RFX7: variants seen among roughly 807,000 people sequenced by gnomAD.
RFX7 encodes DNA-binding protein RFX7.
Under a neutral mutation model 111.8 loss-of-function variants are expected in RFX7, and 26 were observed. The observed-to-expected ratio is 0.23, with a 90% CI of 0.17 to 0.32. The LOEUF is 0.32. Among genes scored for constraint, RFX7 ranks in the 10% least tolerant of loss-of-function variants. The probability of loss-of-function intolerance (pLI) is 1.00; values close to 1 mark genes in which losing one functional copy is unlikely to be tolerated. For missense variants in RFX7, 1,573 were observed against 1,772.9 expected (o/e 0.89, Z 2.02); for synonymous variants, 624 against 624.4 (o/e 1.00, Z 0.01).
intron 3 of RFX7, among the ~76,000 whole-genome samples, chr15:56,162,315 C>T (rs975091013): frequency 1.3e-5 from 2 of 151,986 alleles, no homozygotes; most frequent in Non-Finnish European, 2.9e-5. Flanking sequence ...CTTCTTTTCT[C>T]CCCTAGAGTT....
chr15:56,143,941 C>G (rs539296878), intron 4 of RFX7, among the ~76,000 whole-genome samples: 5 of 152,106 alleles, frequency 3.3e-5, no homozygotes, highest in Admixed American at 6.6e-5. Flanking sequence ...TATAGTAATA[C>G]CCCAAGCACT....
At chr15:56,119,837 T>C (rs1270851011) in intron 5 of RFX7, among the ~76,000 whole-genome samples, 1 of 151,902 alleles carries the variant, frequency 6.6e-6, no homozygotes, top group Non-Finnish European at 1.5e-5. Context: ...TGAATTTGTT[T>C]CTGGGTTCTC....
intron 3 of RFX7, among the ~76,000 whole-genome samples, chr15:56,164,816 G>A (rs1297684236): frequency 6.6e-6 from 1 of 152,194 alleles, no homozygotes; most frequent in Non-Finnish European, 1.5e-5. Flanking sequence ...GTTCACTAAA[G>A]TAGGACAGTT....
chr15:56,214,857 A>G (rs558535569), intron 2 of RFX7, among the ~76,000 whole-genome samples: 137 of 152,312 alleles, frequency 9.0e-4, no homozygotes, highest in African/African-American at 3.2e-3. Context: ...CTTTTGCTAC[A>G]TTATCTTCGT....
intron 2 of RFX7, among the ~76,000 whole-genome samples, chr15:56,217,571 ATATAGACTT>A (rs373213889): frequency 5.3e-5 from 8 of 152,252 alleles, no homozygotes; most frequent in South Asian, 2.1e-4. Context: ...TATAGACTTT[ATATAGACTT>A]TATAGACTTT....
intron 2 of RFX7, among the ~76,000 whole-genome samples, chr15:56,220,752 G>A (rs76266296): frequency 1.6e-4 from 24 of 151,988 alleles, no homozygotes; most frequent in African/African-American, 4.3e-4. Context: ...TTCCTTTCCC[G>A]GTTCCTATGA....
chr15:56,155,168 A>G (rs1189746295), intron 3 of RFX7, among the ~76,000 whole-genome samples: 1 of 152,214 alleles, frequency 6.6e-6, no homozygotes, highest in African/African-American at 2.4e-5. Context: ...ACGCTTTTAC[A>G]GTGTTGGTGG....
intron 2 of RFX7, among the ~76,000 whole-genome samples, chr15:56,179,802 ACACACACAC>A (rs139607418): frequency 0.021 from 3,071 of 146,802 alleles, 104 homozygotes; most frequent in African/African-American, 0.072. Context: ...ACACACACAC[ACACACACAC>A]ACCAGTAACA....
intron 5 of RFX7, among the ~76,000 whole-genome samples, chr15:56,105,509 C>T (rs989889446): frequency 3.3e-5 from 5 of 152,116 alleles, no homozygotes; most frequent in African/African-American, 4.8e-5. Context: ...TGCCCCCCTC[C>T]GGATCCTAGG....
At chr15:56,173,115 C>T (rs1277776771) in intron 3 of RFX7, among the ~76,000 whole-genome samples, 1 of 151,962 alleles carries the variant, frequency 6.6e-6, no homozygotes. Flanking sequence ...GGTTAGTGTT[C>T]GAGGTGGCAA....
intron 2 of RFX7, among the ~76,000 whole-genome samples, chr15:56,216,384 C>G (rs1201299154): frequency 2.6e-5 from 4 of 152,080 alleles, no homozygotes; most frequent in Non-Finnish European, 5.9e-5. Context: ...TAGAATGCAT[C>G]CATTGTATTC....
chr15:56,162,979 A>C (rs1221555395), intron 3 of RFX7, among the ~76,000 whole-genome samples: 2 of 152,136 alleles, frequency 1.3e-5, no homozygotes, highest in African/African-American at 2.4e-5. Context: ...ATCACAAAAT[A>C]AATGTGATCT....
At chr15:56,132,987 T>C (rs1416053811) in intron 5 of RFX7, among the ~76,000 whole-genome samples, 1 of 152,054 alleles carries the variant, frequency 6.6e-6, no homozygotes, top group African/African-American at 2.4e-5. Flanking sequence ...AATGTATACA[T>C]TAAAGAAGGC....
intron 2 of RFX7, among the ~76,000 whole-genome samples, chr15:56,214,931 AG>A: frequency 6.6e-6 from 1 of 152,132 alleles, no homozygotes; most frequent in East Asian, 1.9e-4. Context: ...CTAATTATTA[AG>A]TTTTACTCAT....
At chr15:56,191,403 T>C (rs2043099310) in intron 2 of RFX7, among the ~76,000 whole-genome samples, 1 of 152,174 alleles carries the variant, frequency 6.6e-6, no homozygotes, top group Non-Finnish European at 1.5e-5. Context: ...CTTTTTACCA[T>C]TACTCCAACT....
Position 56,088,083 on chromosome 15 carries a change from T to C in RFX7, c.*5262A>G, listed in dbSNP as rs1190267067. The C allele has an allele frequency of 4.7e-6, 1 of 211,906 alleles. No individual in the cohort carries two copies. Among genetic ancestry groups the C allele is most frequent in the Non-Finnish European group, 9.9e-6 (1 of 100,828 alleles). 13.1% of individuals were successfully genotyped at this position (211,906 alleles called of 1,614,324 possible). A position where few individuals can be genotyped will look rare whatever the true frequency, so the allele number is the denominator to read the frequency against. On this transcript the variant is annotated 3_prime_UTR_variant, in exon 10 of 10. Transcript: ENST00000559447. ...TAAAAGCAATAAAAATGAAAAAGAATTGTTGACATATAAGGATGGGAGGTT... is the reference window on the plus strand; with the variant it reads ...TAAAAGCAATAAAAATGAAAAAGAACTGTTGACATATAAGGATGGGAGGTT...
chr15:56,162,478 AATG>A (rs2042731494), intron 3 of RFX7, among the ~76,000 whole-genome samples: 1 of 152,086 alleles, frequency 6.6e-6, no homozygotes, highest in African/African-American at 2.4e-5. Context: ...TCTTTCTGGT[AATG>A]ATGAGAAATT....
upstream of RFX7, chr15:56,244,294 G>A (rs1410322900): frequency 6.6e-6 from 1 of 152,284 alleles, no homozygotes; most frequent in African/African-American, 2.4e-5. Flanking sequence ...ACGATAAACT[G>A]ACTTTTCAGA....
In RFX7 at chr15:56,243,856, G is replaced by A. The variant is rs180873374; in HGVS notation, c.-414C>T. 1.6e-3 allele frequency among the ~76,000 whole-genome samples: 237 copies of A among 147,468 alleles called. No homozygotes were observed. Among genetic ancestry groups the A allele is most frequent in the Middle Eastern group, 3.4e-3 (1 of 290 alleles). ...CGGCCGCCGCTGCCCTGCCAGCCCCGGAGGCAGCCCAGTGCGCGCAGCCGC... is the reference window on the plus strand; with the variant it reads ...CGGCCGCCGCTGCCCTGCCAGCCCCAGAGGCAGCCCAGTGCGCGCAGCCGC... On this transcript the variant is annotated 5_prime_UTR_variant, in exon 1 of 10. Transcript: ENST00000559447.
Sources: gnomAD v4.1 joint callset for allele counts (sites outside exome capture counted in the v4.1 genomes callset) on GRCh38, gnomAD v4.1.1 for gene constraint, MANE v1.5 for transcripts, NCBI Gene and HGNC (gene_info 2026-07-23, HGNC 2026-07-21) for gene names.